The following LAMA2 variants were observed in gnomAD, a reference collection of about 807,000 sequenced individuals.
LAMA2 encodes the protein laminin subunit alpha 2.
In LAMA2, 269 loss-of-function variants were observed where a neutral mutation model predicts 364.8. The observed-to-expected ratio is 0.74, with a 90% CI of 0.67 to 0.82. The LOEUF is 0.82. Ranked by LOEUF, LAMA2 falls within the 40% of genes least tolerant of loss-of-function variation. The probability of loss-of-function intolerance (pLI) is 0.00; values close to 1 mark genes in which losing one functional copy is unlikely to be tolerated. For synonymous variants in LAMA2, 1,379 were observed against 1,370.6 expected (o/e 1.01, Z -0.14); for missense variants, 3,807 against 3,873.2 (o/e 0.98, Z 0.45).
intron 1 of LAMA2, among the ~76,000 whole-genome samples, chr6:128,953,872 C>A (rs1261640707): frequency 6.6e-6 from 1 of 152,000 alleles, no homozygotes; most frequent in Non-Finnish European, 1.5e-5. Context: ...AAATGACAAA[C>A]CTACAAAGTA....
intron 30 of LAMA2, 63 bp from the exon 31 acceptor site, chr6:129,349,235 G>A (rs1776723794): frequency 7.9e-7 from 1 of 1,258,220 alleles, no homozygotes; most frequent in African/African-American, 1.5e-5. Context: ...TCATGGATAG[G>A]AATACTATTT....
intron 5 of LAMA2, among the ~76,000 whole-genome samples, chr6:129,144,552 T>C (rs1026499353): frequency 6.6e-6 from 1 of 151,938 alleles, no homozygotes; most frequent in Non-Finnish European, 1.5e-5. Flanking sequence ...CCTTAATGTG[T>C]ATGGGATTAG....
At chr6:128,978,916 G>T (rs1782693751) in intron 1 of LAMA2, among the ~76,000 whole-genome samples, 1 of 152,150 alleles carries the variant, frequency 6.6e-6, no homozygotes, top group Non-Finnish European at 1.5e-5. Context: ...ATTATGGAGA[G>T]AACATGGAGC....
chr6:129,109,124 G>A (rs73773674), intron 4 of LAMA2, among the ~76,000 whole-genome samples: 13,388 of 152,038 alleles, frequency 0.088, 694 homozygotes, highest in East Asian at 0.15. Context: ...GTGTCCCGGG[G>A]CCACACCGTA....
chr6:129,293,413 G>A, intron 20 of LAMA2, among the ~76,000 whole-genome samples: 1 of 152,144 alleles, frequency 6.6e-6, no homozygotes, highest in East Asian at 1.9e-4. Flanking sequence ...TTTAATAAAT[G>A]AACAAATGAA....
In LAMA2 at chr6:129,503,099, T is replaced by C. The variant is rs1483869653; in HGVS notation, c.8366T>C (p.Ile2789Thr). 8 of 1,614,054 alleles carry C rather than the reference T, an allele frequency of 5.0e-6. No individual in the cohort carries two copies. Among genetic ancestry groups the C allele is most frequent in the Admixed American group, 1.7e-5 (1 of 60,024 alleles). The change falls in exon 60 of 65, where the codon ATT becomes ACT. Residue 2789 changes from isoleucine (I) to threonine (T), a missense_variant. Coordinates refer to ENST00000421865, the MANE Select transcript of LAMA2 (RefSeq NM_000426.4). ...ATGCTTTTGTTTCACAGTCTCACAATTGAGTTGGAAGTAAGAACCGAAGCT... is the reference window on the plus strand; with the variant it reads ...ATGCTTTTGTTTCACAGTCTCACAACTGAGTTGGAAGTAAGAACCGAAGCT... The part of the protein sequence containing the change: ...DDTKVKNRLT[I>T]ELEVRTEAES...
intron 18 of LAMA2, among the ~76,000 whole-genome samples, chr6:129,280,909 C>T (rs1454841837): frequency 6.6e-6 from 1 of 152,146 alleles, no homozygotes; most frequent in Non-Finnish European, 1.5e-5. Context: ...AAGTGACCTA[C>T]TTTCACTCAT....
chr6:129,236,167 A>C (rs945871210), intron 12 of LAMA2, among the ~76,000 whole-genome samples: 1 of 152,104 alleles, frequency 6.6e-6, no homozygotes, highest in Non-Finnish European at 1.5e-5. Context: ...AAAATACTGT[A>C]ACACAGTAAA....
At position 129,267,127 on chromosome 6, in the gene LAMA2, C is replaced by T. The variant is rs775676341; in HGVS notation, c.2230C>T (p.Arg744Ter). 6 of 1,612,214 alleles carry T rather than the reference C, an allele frequency of 3.7e-6. No homozygotes were observed. Among genetic ancestry groups the T allele is most frequent in the Non-Finnish European group, 5.1e-6 (6 of 1,178,478 alleles). ...TCAGTCTTGTTGGCCTAGGCACAGGCGAGTTAACGGCACTATTTTTGGTGG... is the reference window on the plus strand; with the variant it reads ...TCAGTCTTGTTGGCCTAGGCACAGGTGAGTTAACGGCACTATTTTTGGTGG... ...SCESCWPRHR[R>*]VNGTIFGGIC... The change falls in exon 16 of 65, where the codon CGA becomes TGA. Residue 744 changes from arginine (R) to a stop codon, truncating the protein, a stop_gained. Coordinates refer to ENST00000421865, the MANE Select transcript of LAMA2 (RefSeq NM_000426.4). LOFTEE classifies it high-confidence loss of function.
At position 129,270,715 on chromosome 6, in the gene LAMA2, A is replaced by C; in HGVS notation, c.2414A>C (p.Gln805Pro). ...EPTKGTSEDC[Q>P]PCACPLNIPS... ...ACTAAAGGAACCTCTGAAGACTGTC[A>C]ACCCTGTGCCTGTCCACTCAATATC... The change falls in exon 17 of 65, where the codon CAA (glutamine) becomes CCA (proline). Residue 805 changes from glutamine to proline, a missense_variant. This residue lies in a region of LAMA2 where 3,333 missense variants were observed against 3,345.7 expected (regional missense o/e 1.00). Coordinates refer to ENST00000421865, the MANE Select transcript of LAMA2 (RefSeq NM_000426.4). 1 of 1,613,278 alleles carries C rather than the reference A, an allele frequency of 6.2e-7. No individual in the cohort carries two copies. Among genetic ancestry groups the C allele is most frequent in the Non-Finnish European group, 8.5e-7 (1 of 1,179,518 alleles).
intron 1 of LAMA2, chr6:128,929,739 C>A (rs1779334398): frequency 8.0e-7 from 1 of 1,246,854 alleles, no homozygotes; most frequent in Non-Finnish European, 1.2e-6. Flanking sequence ...ATTCTTGTAC[C>A]AATCGTAGCT....
Position 129,428,578 on chromosome 6 carries a change from G to A in LAMA2, c.5968+724G>A, listed in dbSNP as rs117033326. ...CAAGTGATTGTCCTGCCTCATATCTGGGATTACAGGTGCATGCCACCACAC... is the reference window on the plus strand; with the variant it reads ...CAAGTGATTGTCCTGCCTCATATCTAGGATTACAGGTGCATGCCACCACAC... On this transcript the variant is annotated intron_variant, in intron 41 of 64. Coordinates refer to ENST00000421865, the MANE Select transcript of LAMA2 (RefSeq NM_000426.4). Among the ~76,000 whole-genome samples the A allele has an allele frequency of 2.5e-3, 375 of 152,184 alleles. 1 individual carries two copies. Among genetic ancestry groups the A allele is most frequent in the Non-Finnish European group, 4.2e-3 (286 of 68,014 alleles).
At chr6:128,939,091 T>C (rs2114536517) in intron 1 of LAMA2, among the ~76,000 whole-genome samples, 1 of 152,288 alleles carries the variant, frequency 6.6e-6, no homozygotes, top group Non-Finnish European at 1.5e-5. Flanking sequence ...AACTTTTCAT[T>C]TCTCTTCAAT....
Position 129,050,061 on chromosome 6 carries a change from T to A in LAMA2, c.256T>A (p.Cys86Ser). The A allele has an allele frequency of 6.2e-7, 1 of 1,614,178 alleles. No individual in the cohort carries two copies. The highest frequency in any genetic ancestry group is 8.5e-7 in the Non-Finnish European group (1 of 1,180,022). The change falls in exon 2 of 65, where the codon TGC (cysteine) becomes AGC (serine). Residue 86 changes from cysteine to serine, a missense_variant. By Grantham distance (112) the Cys-to-Ser change is moderately radical. Coordinates refer to ENST00000421865, the MANE Select transcript of LAMA2 (RefSeq NM_000426.4). ...QPVRNPQCRI[C>S]NQNSSNPNQR... is the part of the protein sequence containing the mutation. ...TGTGAGGAACCCGCAGTGTCGAATC[T>A]GCAATCAAAACAGCAGCAATCCAAA... is the stretch of plus-strand genomic sequence containing the variant.
chr6:129,118,451 A>T (rs1273245769), intron 4 of LAMA2, among the ~76,000 whole-genome samples: 1 of 152,208 alleles, frequency 6.6e-6, no homozygotes, highest in Non-Finnish European at 1.5e-5. Flanking sequence ...GTGATATCAA[A>T]ATAAGATAGC....
chr6:129,409,108 T>G (rs1780394399), intron 40 of LAMA2, among the ~76,000 whole-genome samples: 2 of 152,184 alleles, frequency 1.3e-5, no homozygotes. Flanking sequence ...CATTTCTTCT[T>G]CCAAGCAAGT....
At chr6:129,178,395 A>G (rs1780739649) in intron 10 of LAMA2, among the ~76,000 whole-genome samples, 1 of 152,206 alleles carries the variant, frequency 6.6e-6, no homozygotes, top group Non-Finnish European at 1.5e-5. Context: ...TTACTTTTAG[A>G]AATGCAACTT....
chr6:129,361,783 C>CTTTTTTTT (rs66805881), intron 32 of LAMA2, among the ~76,000 whole-genome samples: 1 of 121,096 alleles, frequency 8.3e-6, no homozygotes, highest in Non-Finnish European at 1.7e-5. Flanking sequence ...TAACAGTAAC[C>CTTTTTTTT]TTTTTTTTTT....
At chr6:129,498,395 T>C (rs1378850392) in intron 58 of LAMA2, among the ~76,000 whole-genome samples, 1 of 152,242 alleles carries the variant, frequency 6.6e-6, no homozygotes, top group Non-Finnish European at 1.5e-5. Flanking sequence ...TACTGATATG[T>C]ATTTAAAGAG....
Sources: gnomAD v4.1 joint callset for allele counts (sites outside exome capture counted in the v4.1 genomes callset) on GRCh38, gnomAD v4.1.1 for gene constraint, gnomAD v4.1.1 regional missense constraint, MANE v1.5 for transcripts, NCBI Gene and HGNC (gene_info 2026-07-23, HGNC 2026-07-21) for gene names.